SGCA: variants seen among roughly 807,000 people sequenced by gnomAD.
SGCA encodes alpha-sarcoglycan.
SGCA carries 34 observed loss-of-function variants against 38.1 expected under a neutral mutation model. That is an observed-to-expected ratio of 0.89 (90% CI 0.68 to 1.19). SGCA has a LOEUF of 1.19. Among genes scored for constraint, SGCA ranks in the 50% most tolerant of loss-of-function variants. The pLI, the probability that SGCA is intolerant of heterozygous loss-of-function variation, is 0.00. For missense variants in SGCA, 476 were observed against 524.9 expected, an observed-to-expected ratio of 0.91 and a Z score of 0.91; for synonymous variants, 209 against 214.6, an observed-to-expected ratio of 0.97 and a Z score of 0.23.
In SGCA at chr17:50,168,551, C is replaced by T; in HGVS notation, c.563C>T (p.Pro188Leu). 1.3e-6 allele frequency: 2 copies of T among 1,570,302 alleles called. No individual in the cohort carries two copies. The highest frequency in any genetic ancestry group is 1.7e-6 in the Non-Finnish European group (2 of 1,156,926). The change falls in exon 5 of 10, where the codon CCC becomes CTC. Residue 188 changes from proline (P) to leucine (L), a missense_variant. By Grantham distance (98) the Pro-to-Leu change is moderately conservative. Transcript: ENST00000262018. ...ALDRGGRVPL[P>L]IEGRKEGVYI... ...GACCGTGGGGGCCGTGTCCCCCTTC[C>T]CATTGAGGGCCGAAAAGAAGGGTAG...
chr17:50,173,637 G>A (rs1316870265), intron 8 of SGCA, among the ~76,000 whole-genome samples: 1 of 152,202 alleles, frequency 6.6e-6, no homozygotes. Flanking sequence ...CTCTGCCAGG[G>A]CCTCACCTGC....
chr17:50,167,225 C>A lies in SGCA; in HGVS notation c.38-143C>A. 3 of 1,219,018 alleles carry A rather than the reference C, an allele frequency of 2.5e-6. No individual in the cohort carries two copies. The highest frequency in any genetic ancestry group is 3.5e-6 in the Non-Finnish European group (3 of 864,966). The allele number at this position is 1,219,018 out of a possible 1,614,324, so 75.5% of individuals were successfully genotyped here. On this transcript the variant is annotated intron_variant, in intron 1 of 9. Coordinates refer to ENST00000262018, the MANE Select transcript of SGCA (RefSeq NM_000023.4). The surrounding 1 kb of genome is among the most constrained non-coding windows in gnomAD (Gnocchi z 4.5). ...AGCAGGGCTTGCTCCCCCATCCCCA[C>A]CCCAATCCCTTCCTGGGAGGCAGCA...
At chr17:50,171,900 G>A (rs1022184370) in intron 8 of SGCA, 1 of 456,822 alleles carries the variant, frequency 2.2e-6, no homozygotes, top group Admixed American at 2.3e-5. Flanking sequence ...TTCTGGCAGG[G>A]TTTGGCACAG....
chr17:50,172,405 C>A, intron 8 of SGCA: 2 of 421,242 alleles, frequency 4.7e-6, no homozygotes, highest in Admixed American at 2.4e-5. Context: ...GAGGGCTGCG[C>A]TTGTGGGCCA....
intron 5 of SGCA, 55 bp downstream of exon 5, chr17:50,168,627 G>A (rs1905131514): frequency 1.3e-6 from 2 of 1,489,100 alleles, no homozygotes; most frequent in Non-Finnish European, 1.8e-6. Context: ...GCTTGTGGCG[G>A]GCATAGAACA....
Position 50,175,712 on chromosome 17 carries a change from T to C in SGCA, c.*13T>C, listed in dbSNP as rs1387506490. On this transcript the variant is annotated splice_region_variant and 3_prime_UTR_variant, in exon 10 of 10. Transcript: ENST00000262018. ...AGCCCTCCACTCTCTCTTCCCACAG[T>C]GGTTCCAGGTCCAGCCCTGACTTCA... 1 of 633,812 alleles carries C rather than the reference T, an allele frequency of 1.6e-6. No homozygotes were observed. Among genetic ancestry groups the C allele is most frequent in the Non-Finnish European group, 2.9e-6 (1 of 341,154 alleles). The allele number at this position is 633,812 out of a possible 1,614,324, so 39.3% of individuals were successfully genotyped here.
chr17:50,166,996 C>T (rs1904936467), intron 1 of SGCA, among the ~76,000 whole-genome samples: 1 of 142,124 alleles, frequency 7.0e-6, no homozygotes, highest in Admixed American at 7.0e-5. Flanking sequence ...CACACACATC[C>T]TCACAGACCC....
rs1311679986 is a variant in SGCA, at chr17:50,167,935, C to T, written c.313-12C>T. 1.2e-6 allele frequency: 2 copies of T among 1,613,742 alleles called. No homozygotes were observed. The highest frequency in any genetic ancestry group is 1.7e-6 in the Non-Finnish European group (2 of 1,179,722). ...CCTAACCCACTTCTCAGATGTCTTT[C>T]CCATCCCCCAGGTCACAGCCTACAA... On this transcript the variant is annotated splice_polypyrimidine_tract_variant and intron_variant, in intron 3 of 9. Coordinates refer to ENST00000262018, the MANE Select transcript of SGCA (RefSeq NM_000023.4). The surrounding 1 kb of genome is among the most constrained non-coding windows in gnomAD (Gnocchi z 4.5).
intron 5 of SGCA, 34 bp from the exon 6 acceptor site, chr17:50,169,058 C>T: frequency 2.5e-6 from 4 of 1,609,754 alleles, no homozygotes; most frequent in Non-Finnish European, 3.4e-6. Flanking sequence ...CCCCTGCCCC[C>T]ACTCTGCTGA....
At chr17:50,169,958 G>A in intron 6 of SGCA, 185 bp from the exon 7 acceptor site, 1 of 656,302 alleles carries the variant, frequency 1.5e-6, no homozygotes, top group South Asian at 1.7e-5. Flanking sequence ...TCCTAGCTAA[G>A]CACTTGTCTG....
chr17:50,175,088 C>G (rs953082223), intron 8 of SGCA, 169 bp from the exon 9 acceptor site: 5 of 718,938 alleles, frequency 7.0e-6, no homozygotes, highest in South Asian at 6.2e-5. Flanking sequence ...TGAGCCACCA[C>G]GCCCGGCCCC....
chr17:50,170,608 C>T (rs1197442191), intron 7 of SGCA, 32 bp from the exon 8 acceptor site: 2 of 1,556,434 alleles, frequency 1.3e-6, no homozygotes, highest in South Asian at 1.2e-5. Context: ...AAACCCAGAG[C>T]TGGGCTAACC....
chr17:50,168,105 G>A (rs1235603667), intron 4 of SGCA, 86 bp downstream of exon 4: 1 of 1,275,062 alleles, frequency 7.8e-7, no homozygotes, highest in Non-Finnish European at 1.1e-6. Context: ...GTGGACAGGA[G>A]AGGCTTGGAG....
intron 8 of SGCA, chr17:50,171,762 A>C (rs1440402241): frequency 1.3e-5 from 6 of 456,688 alleles, no homozygotes; most frequent in Non-Finnish European, 2.6e-5. Flanking sequence ...ACACGCTTGA[A>C]GTGATAGGCA....
Position 50,169,214 on chromosome 17 carries a change from T to G in SGCA, c.707T>G (p.Leu236Trp). The change falls in exon 6 of 10, where the codon TTG becomes TGG. Residue 236 changes from leucine (L) to tryptophan (W), a missense_variant. Physicochemically the swap from Leu to Trp is moderately conservative, Grantham distance 61. Transcript: ENST00000262018. The stretch of plus-strand genomic sequence containing the variant: ...CCACTTCTGTCTTGCTACGACACCT[T>G]GGCACCCCACTTCCGCGTTGACTGG... ...QPPLLSCYDT[L>W]APHFRVDWCN... 2 of 1,613,966 alleles carry G rather than the reference T, an allele frequency of 1.2e-6. No individual in the cohort carries two copies. Among genetic ancestry groups the G allele is most frequent in the Non-Finnish European group, 1.7e-6 (2 of 1,179,952 alleles).
Position 50,167,642 on chromosome 17 carries a change from C to T in SGCA, c.218C>T (p.Pro73Leu), listed in dbSNP as rs1482631076. ...CACCTCCAGGGACACCCAGACCTGC[C>T]CCGGTGGCTCCGCTACACCCAGCGC... ...HAHLQGHPDLPRWLRYTQRSP... is the reference protein window; with the variant it reads ...HAHLQGHPDLLRWLRYTQRSP... Residue 73 changes from proline (P) to leucine (L), a missense_variant, in exon 3 of 10, where the codon CCC becomes CTC. By Grantham distance (98) the Pro-to-Leu change is moderately conservative. Coordinates refer to ENST00000262018, the MANE Select transcript of SGCA (RefSeq NM_000023.4). The surrounding 1 kb of genome is among the most constrained non-coding windows in gnomAD (Gnocchi z 4.5). 3 of 1,613,864 alleles carry T rather than the reference C, an allele frequency of 1.9e-6. No individual in the cohort carries two copies. In the Admixed American group the frequency reaches 5.0e-5, roughly 27 times the overall value.
chr17:50,172,358 T>G, intron 8 of SGCA: 1 of 447,246 alleles, frequency 2.2e-6, no homozygotes, highest in Non-Finnish European at 4.6e-6. Context: ...AGATGCCAGA[T>G]GGTGGAGGCA....
At position 50,167,756 on chromosome 17, in the gene SGCA, G is replaced by T; in HGVS notation, c.312+20G>T. On this transcript the variant is annotated intron_variant, in intron 3 of 9. Transcript: ENST00000262018. The surrounding 1 kb of genome is among the most constrained non-coding windows in gnomAD (Gnocchi z 4.5). ...ATTGAGGTGCCGTCAGGGACCCTGAGAAAATCACAGGGGTGGGCCAGAGTG... is the reference window on the plus strand; with the variant it reads ...ATTGAGGTGCCGTCAGGGACCCTGATAAAATCACAGGGGTGGGCCAGAGTG... 3 of 1,602,722 alleles carry T rather than the reference G, an allele frequency of 1.9e-6. No homozygotes were observed. Among genetic ancestry groups the T allele is most frequent in the East Asian group, 4.5e-5 (2 of 44,418 alleles).
At chr17:50,169,414 T>C (rs1598269114) in intron 6 of SGCA, 160 bp downstream of exon 6, 9 of 481,352 alleles carry the variant, frequency 1.9e-5, no homozygotes, top group South Asian at 5.4e-5. Context: ...AGTCTGAGGA[T>C]ACACACACAC....
Sources: allele counts gnomAD v4.1 joint callset (sites outside exome capture counted in the v4.1 genomes callset), GRCh38; gene constraint gnomAD v4.1.1; non-coding constraint Gnocchi (gnomAD v3.1); transcripts MANE v1.5; gene names NCBI Gene and HGNC (gene_info 2026-07-23, HGNC 2026-07-21).